CAMTA1: variants seen among roughly 807,000 people sequenced by gnomAD.
CAMTA1 encodes calmodulin-binding transcription activator 1.
In CAMTA1, 27 loss-of-function variants were observed where a neutral mutation model predicts 170.9. That is an observed-to-expected ratio of 0.16 (90% confidence interval 0.12 to 0.22). The LOEUF is 0.22. Ranked by LOEUF, CAMTA1 falls within the 10% of genes least tolerant of loss-of-function variation. The pLI is 1.00. For missense variants in CAMTA1, 1,619 were observed against 2,217.2 expected (o/e 0.73, Z 5.42); for synonymous variants, 833 against 891.5 (o/e 0.93, Z 1.17).
chr1:6,838,870 C>T (rs2148669221), intron 3 of CAMTA1, among the ~76,000 whole-genome samples: 1 of 152,246 alleles, frequency 6.6e-6, no homozygotes, highest in East Asian at 1.9e-4. Flanking sequence ...GATCCTCCTG[C>T]CTCAGCCTCC....
Position 7,727,208 on chromosome 1 carries a change from C to T in CAMTA1, c.2915-5240C>T, listed in dbSNP as rs1361919066. On this transcript the variant is annotated intron_variant, in intron 11 of 22. Coordinates refer to ENST00000303635, the MANE Select transcript of CAMTA1 (RefSeq NM_015215.4). ...CGCGATCTCGGCTCACTGCAAGCTC[C>T]GCCTCCTGGGTTCACGCCATTCTCC... 5.3e-5 allele frequency among the ~76,000 whole-genome samples: 8 copies of T among 151,418 alleles called. No homozygotes were observed. In the East Asian group the frequency reaches 1.2e-3, roughly 22 times the overall value.
chr1:7,598,447 A>G (rs2095416988), intron 6 of CAMTA1, among the ~76,000 whole-genome samples: 1 of 152,226 alleles, frequency 6.6e-6, no homozygotes, highest in Non-Finnish European at 1.5e-5. Context: ...TTGGGTATAT[A>G]CCCAGTAATG....
At chr1:6,903,328 G>A (rs1677550644) in intron 3 of CAMTA1, among the ~76,000 whole-genome samples, 1 of 152,184 alleles carries the variant, frequency 6.6e-6, no homozygotes, top group African/African-American at 2.4e-5. Flanking sequence ...TAGTGATTAC[G>A]TGTTTATACA....
At chr1:7,493,785 G>A (rs2093780324) in intron 6 of CAMTA1, among the ~76,000 whole-genome samples, 1 of 152,216 alleles carries the variant, frequency 6.6e-6, no homozygotes, top group African/African-American at 2.4e-5. Flanking sequence ...GCAGTTCTAT[G>A]AAATGAGGCT....
At chr1:7,513,341 C>T (rs1439590284) in intron 6 of CAMTA1, among the ~76,000 whole-genome samples, 2 of 152,142 alleles carry the variant, frequency 1.3e-5, no homozygotes, top group African/African-American at 4.8e-5. Flanking sequence ...GGAATTTCAG[C>T]TTGGAGAGGC....
chr1:6,927,114 T>C (rs1363364088), intron 3 of CAMTA1, among the ~76,000 whole-genome samples: 1 of 151,884 alleles, frequency 6.6e-6, no homozygotes, highest in African/African-American at 2.4e-5. Context: ...AGCCTCAAAC[T>C]CTAGGGCTCA....
At chr1:7,328,343 T>G (rs952140632) in intron 5 of CAMTA1, among the ~76,000 whole-genome samples, 4 of 95,816 alleles carry the variant, frequency 4.2e-5, no homozygotes, top group African/African-American at 2.2e-4. Context: ...AAAAAAAAAT[T>G]CTTTTGCTCC....
chr1:7,125,353 G>C (rs1282240821), intron 4 of CAMTA1, among the ~76,000 whole-genome samples: 1 of 152,158 alleles, frequency 6.6e-6, no homozygotes, highest in Non-Finnish European at 1.5e-5. Flanking sequence ...AGCCCCTCCT[G>C]TGTCCCAGAT....
At chr1:7,359,861 G>C (rs1433663993) in intron 5 of CAMTA1, among the ~76,000 whole-genome samples, 1 of 152,166 alleles carries the variant, frequency 6.6e-6, no homozygotes, top group African/African-American at 2.4e-5. Flanking sequence ...GGTTTGCTAG[G>C]GCTGCCGTAC....
Position 7,372,720 on chromosome 1 carries a change from G to A in CAMTA1, c.439-95110G>A, listed in dbSNP as rs575263321. On this transcript the variant is annotated intron_variant, in intron 5 of 22. Coordinates refer to ENST00000303635, the MANE Select transcript of CAMTA1 (RefSeq NM_015215.4). ...ATTTGATACCCACAGCAGCCTTGGA[G>A]CCCCATGTGCTCTTATTACCCTGTC... Among the ~76,000 whole-genome samples, 4 of 152,322 alleles carry A rather than the reference G, an allele frequency of 2.6e-5. No individual in the cohort carries two copies. The East Asian group carries it at 7.7e-4, about 29-fold the overall frequency.
intron 3 of CAMTA1, among the ~76,000 whole-genome samples, chr1:7,074,427 A>T (rs1639036121): frequency 6.6e-6 from 1 of 152,248 alleles, no homozygotes; most frequent in Non-Finnish European, 1.5e-5. Flanking sequence ...AAATAGAAGA[A>T]AATATGCAGA....
rs550406104 is a variant in CAMTA1 at position 7,732,444 on chromosome 1, C to T, written c.2915-4C>T. 2.4e-4 allele frequency: 385 copies of T among 1,613,262 alleles called. 5 individuals carry two copies. The South Asian group carries it at 4.0e-3, about 17-fold the overall frequency. On this transcript the variant is annotated splice_region_variant and splice_polypyrimidine_tract_variant and intron_variant, in intron 11 of 22. Coordinates refer to ENST00000303635, the MANE Select transcript of CAMTA1 (RefSeq NM_015215.4). The surrounding 1 kb of genome is among the most constrained non-coding windows in gnomAD (Gnocchi z 4.1). ...ACCTCACTCTTCCTCCTGCTCTGCC[C>T]TAGATAACCAGTTCAGGATGTCCAT...
intron 5 of CAMTA1, among the ~76,000 whole-genome samples, chr1:7,291,013 T>G (rs1673057497): frequency 6.6e-6 from 1 of 152,006 alleles, no homozygotes; most frequent in East Asian, 1.9e-4. Context: ...TGCAGTGTCT[T>G]TTGTGTGGGA....
intron 6 of CAMTA1, among the ~76,000 whole-genome samples, chr1:7,500,354 CGTGT>C (rs1280937386): frequency 1.5e-5 from 2 of 133,520 alleles, no homozygotes; most frequent in East Asian, 5.9e-4. Context: ...GCCTGGTGTG[CGTGT>C]GTATGTATAT....
intron 5 of CAMTA1, among the ~76,000 whole-genome samples, chr1:7,268,850 T>C (rs1558333813): frequency 6.6e-6 from 1 of 152,158 alleles, no homozygotes; most frequent in East Asian, 1.9e-4. Flanking sequence ...ATAACATAGA[T>C]ATGGAATTAA....
rs185200061 is a variant in CAMTA1, at chr1:7,677,505, G to A, written c.2780-94G>A. On this transcript the variant is annotated intron_variant, in intron 10 of 22. Coordinates refer to ENST00000303635, the MANE Select transcript of CAMTA1 (RefSeq NM_015215.4). ...GAGAGCTGGACATTAACCAATGAAG[G>A]GTAGTGGGGAGGGGACATTCCAGGC... 1.1e-4 allele frequency: 150 copies of A among 1,355,944 alleles called. No homozygotes were observed. In the African/African-American group the frequency reaches 1.8e-3, roughly 16 times the overall value. 84.0% of individuals were successfully genotyped at this position (1,355,944 alleles called of 1,614,324 possible).
chr1:7,678,437 G>A (rs139901739), intron 11 of CAMTA1, among the ~76,000 whole-genome samples: 97 of 152,368 alleles, frequency 6.4e-4, no homozygotes, highest in Non-Finnish European at 1.2e-3. Flanking sequence ...TGGTCAAGGA[G>A]AGGCAGGGAC....
intron 11 of CAMTA1, among the ~76,000 whole-genome samples, chr1:7,702,475 A>C (rs2096452167): frequency 6.6e-6 from 1 of 152,168 alleles, no homozygotes; most frequent in South Asian, 2.1e-4. Context: ...GGCACTTTAG[A>C]GTACAGAGGC....
At chr1:6,992,175 T>A (rs2100452174) in intron 3 of CAMTA1, among the ~76,000 whole-genome samples, 1 of 152,262 alleles carries the variant, frequency 6.6e-6, no homozygotes, top group Non-Finnish European at 1.5e-5. Flanking sequence ...GCTCAAGCAA[T>A]CCTCTCACCT....
Sources: gnomAD v4.1 joint callset for allele counts (sites outside exome capture counted in the v4.1 genomes callset) on GRCh38, gnomAD v4.1.1 for gene constraint, Gnocchi (gnomAD v3.1) non-coding constraint, MANE v1.5 for transcripts, NCBI Gene and HGNC (gene_info 2026-07-23, HGNC 2026-07-21) for gene names.